The following CUBN variants were observed in gnomAD, a reference collection of about 807,000 sequenced individuals.
The protein encoded by CUBN is 460 kDa receptor.
Under a neutral mutation model 405.3 loss-of-function variants are expected in CUBN, and 282 were observed. That is an observed-to-expected ratio of 0.70 (90% CI 0.63 to 0.77). The LOEUF (loss-of-function observed/expected upper bound fraction) is 0.77. Ranked by LOEUF, CUBN falls within the 30% of genes least tolerant of loss-of-function variation. CUBN has a pLI of 0.00. For synonymous variants in CUBN, 1,684 were observed against 1,617.0 expected (o/e 1.04, Z -0.99); for missense variants, 4,514 against 4,475.2 (o/e 1.01, Z -0.25).
At chr10:17,043,097 A>T (rs1835051537) in intron 26 of CUBN, among the ~76,000 whole-genome samples, 1 of 152,170 alleles carries the variant, frequency 6.6e-6, no homozygotes, top group Non-Finnish European at 1.5e-5. Flanking sequence ...TAGAGCTAGA[A>T]GGCAGGTTTA....
At chr10:16,968,967 C>T (rs1268251172) in intron 31 of CUBN, among the ~76,000 whole-genome samples, 1 of 152,224 alleles carries the variant, frequency 6.6e-6, no homozygotes, top group African/African-American at 2.4e-5. Context: ...AACCTGCCTG[C>T]AAGTCCAGCT....
At chr10:17,094,522 T>G (rs1379919991) in intron 14 of CUBN, among the ~76,000 whole-genome samples, 1 of 152,026 alleles carries the variant, frequency 6.6e-6, no homozygotes, top group Non-Finnish European at 1.5e-5. Context: ...ACTAAAATAC[T>G]TTTAGAACTA....
chr10:16,898,916 C>T (rs572592002), intron 54 of CUBN, 80 bp downstream of exon 54: 101 of 1,103,016 alleles, frequency 9.2e-5, no homozygotes, highest in Non-Finnish European at 1.2e-4. Flanking sequence ...TTACTTTGAG[C>T]GACAATGAAT....
chr10:17,056,802 C>CATTT (rs1835406206), intron 22 of CUBN, among the ~76,000 whole-genome samples: 1 of 152,108 alleles, frequency 6.6e-6, no homozygotes. Flanking sequence ...ACTTGCAATA[C>CATTT]ATTTATCTGG....
intron 7 of CUBN, among the ~76,000 whole-genome samples, chr10:17,115,070 C>A (rs372798090): frequency 3.4e-4 from 51 of 152,002 alleles, no homozygotes; most frequent in African/African-American, 1.2e-3. Context: ...ATGGCAAAAC[C>A]CCGTCTCTAC....
At chr10:16,997,711 C>T (rs1424634790) in intron 28 of CUBN, among the ~76,000 whole-genome samples, 1 of 152,180 alleles carries the variant, frequency 6.6e-6, no homozygotes, top group East Asian at 1.9e-4. Context: ...GGAATATGTG[C>T]TCCTTAAAAT....
chr10:16,920,599 G>C (rs11254276), intron 43 of CUBN, among the ~76,000 whole-genome samples: 86,577 of 151,942 alleles, frequency 0.57, 26,244 homozygotes, highest in African/African-American at 0.79. Context: ...TCATTCATTA[G>C]ATTTCTTCAG....
intron 54 of CUBN, among the ~76,000 whole-genome samples, chr10:16,895,403 C>T (rs1395879771): frequency 6.6e-6 from 1 of 151,944 alleles, no homozygotes; most frequent in East Asian, 1.9e-4. Flanking sequence ...CAATCAGATC[C>T]TATTAACTGA....
intron 62 of CUBN, among the ~76,000 whole-genome samples, chr10:16,837,058 C>T (rs948484621): frequency 6.6e-6 from 1 of 152,026 alleles, no homozygotes; most frequent in Non-Finnish European, 1.5e-5. Context: ...ACACCCCACC[C>T]GTCTCTGCTT....
In CUBN at chr10:16,851,301, G is replaced by T; in HGVS notation, c.9597C>A (p.Leu3199=). Residue 3199 remains leucine, a synonymous_variant, in exon 60 of 67, where the codon CTC becomes CTA. Coordinates refer to ENST00000377833, the MANE Select transcript of CUBN (RefSeq NM_001081.4). ...IIAPVNKVIH[L]TFNTFALEAA... is the part of the protein sequence containing the mutation. ...CCTCCAGAGCAAATGTATTGAAGGT[G>T]AGGTGAATTACTTTGTTTACAGGTG... The T allele has an allele frequency of 1.2e-6, 2 of 1,614,098 alleles. No individual in the cohort carries two copies. Among genetic ancestry groups the T allele is most frequent in the Non-Finnish European group, 8.5e-7 (1 of 1,179,976 alleles).
intron 58 of CUBN, among the ~76,000 whole-genome samples, chr10:16,872,391 A>G (rs987923155): frequency 6.7e-6 from 1 of 149,590 alleles, no homozygotes; most frequent in African/African-American, 2.6e-5. Flanking sequence ...GAGAGAGAAT[A>G]TATAACATAC....
chr10:16,895,875 G>A (rs1373664072), intron 54 of CUBN, among the ~76,000 whole-genome samples: 1 of 152,072 alleles, frequency 6.6e-6, no homozygotes, highest in Admixed American at 6.6e-5. Context: ...CAATTATACT[G>A]ATATATATCA....
intron 58 of CUBN, among the ~76,000 whole-genome samples, chr10:16,872,433 A>G (rs1209010028): frequency 6.6e-6 from 1 of 151,766 alleles, no homozygotes; most frequent in Admixed American, 6.6e-5. Flanking sequence ...CCATGGTTGG[A>G]ATGTTTGTGT....
chr10:16,867,235 T>C (rs1198098281), intron 59 of CUBN, among the ~76,000 whole-genome samples: 3 of 152,184 alleles, frequency 2.0e-5, no homozygotes, highest in Non-Finnish European at 2.9e-5. Context: ...TTGATTTCCC[T>C]CTCTTCAGGG....
chr10:16,942,919 A>G (rs1328453625), intron 36 of CUBN, among the ~76,000 whole-genome samples: 1 of 152,068 alleles, frequency 6.6e-6, no homozygotes, highest in Non-Finnish European at 1.5e-5. Context: ...AGGGGAAAGG[A>G]AAGGAAAAAT....
At chr10:17,053,868 T>C (rs1372920474) in intron 22 of CUBN, among the ~76,000 whole-genome samples, 2 of 152,122 alleles carry the variant, frequency 1.3e-5, no homozygotes, top group Non-Finnish European at 2.9e-5. Context: ...TTAGAAAGTA[T>C]ATCATTTAAC....
intron 28 of CUBN, among the ~76,000 whole-genome samples, chr10:17,018,713 G>T (rs925989118): frequency 1.3e-5 from 2 of 152,038 alleles, no homozygotes. Flanking sequence ...AGCACTGATT[G>T]GTCCATTTTA....
intron 59 of CUBN, among the ~76,000 whole-genome samples, chr10:16,858,640 T>C (rs535954063): frequency 1.3e-5 from 2 of 152,338 alleles, no homozygotes; most frequent in South Asian, 4.1e-4. Flanking sequence ...AAAATTTATA[T>C]GGAAAGGCAC....
intron 14 of CUBN, among the ~76,000 whole-genome samples, chr10:17,090,168 A>G (rs1312824139): frequency 6.6e-6 from 1 of 152,214 alleles, no homozygotes; most frequent in Non-Finnish European, 1.5e-5. Context: ...TTGATTGAAC[A>G]GAAAATGAGA....
Sources: allele counts gnomAD v4.1 joint callset (sites outside exome capture counted in the v4.1 genomes callset), GRCh38; gene constraint gnomAD v4.1.1; transcripts MANE v1.5; gene names NCBI Gene and HGNC (gene_info 2026-07-23, HGNC 2026-07-21).